The following ARSB variants were observed in gnomAD, a reference collection of about 807,000 sequenced individuals.
ARSB encodes the protein N-acetylgalactosamine-4-sulfatase.
ARSB carries 41 observed loss-of-function variants against 50.9 expected under a neutral mutation model. The observed-to-expected ratio is 0.81, with a 90% CI of 0.63 to 1.04. ARSB has a LOEUF of 1.04. Ranked by LOEUF, ARSB falls within the 50% of genes least tolerant of loss-of-function variation. The probability of loss-of-function intolerance (pLI) is 0.00; values close to 1 mark genes in which losing one functional copy is unlikely to be tolerated. For missense variants in ARSB, 672 were observed against 693.3 expected, an observed-to-expected ratio of 0.97 and a Z score of 0.35; for synonymous variants, 269 against 284.8, an observed-to-expected ratio of 0.94 and a Z score of 0.56.
At chr5:78,953,797 A>G (rs1751584843) in intron 4 of ARSB, among the ~76,000 whole-genome samples, 1 of 152,258 alleles carries the variant, frequency 6.6e-6, no homozygotes, top group African/African-American at 2.4e-5. Context: ...ACTGAAAAAA[A>G]GAACTCAAAA....
At chr5:78,977,324 T>C (rs1289453444) in intron 1 of ARSB, among the ~76,000 whole-genome samples, 7 of 152,056 alleles carry the variant, frequency 4.6e-5, no homozygotes, top group Non-Finnish European at 1.0e-4. Flanking sequence ...TGGCTAATTT[T>C]TGTATTTTTA....
At chr5:78,942,088 C>T (rs1261018449) in intron 4 of ARSB, among the ~76,000 whole-genome samples, 4 of 152,178 alleles carry the variant, frequency 2.6e-5, no homozygotes, top group Non-Finnish European at 5.9e-5. Context: ...TTGTAGTATT[C>T]TCTGATGGTA....
intron 6 of ARSB, among the ~76,000 whole-genome samples, chr5:78,813,548 AG>A (rs1336518287): frequency 1.3e-5 from 2 of 152,168 alleles, no homozygotes; most frequent in Non-Finnish European, 2.9e-5. Context: ...ACTTGAGTCC[AG>A]GAATTCAAGA....
chr5:78,927,111 G>A (rs1432156523), intron 4 of ARSB, among the ~76,000 whole-genome samples: 4 of 152,040 alleles, frequency 2.6e-5, no homozygotes, highest in Non-Finnish European at 4.4e-5. Context: ...TCTAATTCCT[G>A]GGCTCAAGTG....
intron 3 of ARSB, among the ~76,000 whole-genome samples, chr5:78,956,109 A>C (rs1751712022): frequency 6.6e-6 from 1 of 152,250 alleles, no homozygotes; most frequent in Admixed American, 6.5e-5. Flanking sequence ...ATAGCCAAAG[A>C]GTAGAAACAA....
At chr5:78,815,538 A>G (rs981449867) in intron 6 of ARSB, 3 of 986,568 alleles carry the variant, frequency 3.0e-6, no homozygotes, top group African/African-American at 1.8e-5. Context: ...CAGCCTGTCA[A>G]AAAAGGTGGA....
intron 4 of ARSB, among the ~76,000 whole-genome samples, chr5:78,887,731 A>C (rs548868195): frequency 3.9e-5 from 6 of 152,200 alleles, no homozygotes; most frequent in Non-Finnish European, 7.4e-5. Flanking sequence ...TGGCAATGCT[A>C]GGATTCCAAC....
At chr5:78,969,939 A>G (rs1444503767) in intron 1 of ARSB, among the ~76,000 whole-genome samples, 1 of 152,222 alleles carries the variant, frequency 6.6e-6, no homozygotes, top group Non-Finnish European at 1.5e-5. Context: ...ACAGTATAAT[A>G]AAACGATTAT....
chr5:78,919,760 G>A (rs1382021384), intron 4 of ARSB, among the ~76,000 whole-genome samples: 1 of 152,140 alleles, frequency 6.6e-6, no homozygotes, highest in Non-Finnish European at 1.5e-5. Context: ...CAAAGTACAG[G>A]AGTGAGCTGG....
chr5:78,782,108 T>C, intron 6 of ARSB, 134 bp from the exon 7 acceptor site: 6 of 1,127,598 alleles, frequency 5.3e-6, no homozygotes, highest in Non-Finnish European at 7.8e-6. Flanking sequence ...GCCACAGAAA[T>C]GAATCTTTTA....
At chr5:78,838,338 G>A (rs865964747) in intron 6 of ARSB, among the ~76,000 whole-genome samples, 6 of 152,176 alleles carry the variant, frequency 3.9e-5, no homozygotes, top group Admixed American at 2.6e-4. Flanking sequence ...ATGACAGTAC[G>A]ATGATCTGCA....
rs1419364874 is a variant in ARSB, at chr5:78,780,181, C to G, written c.*216G>C. On this transcript the variant is annotated 3_prime_UTR_variant, in exon 8 of 8. Transcript: ENST00000264914. ...AAAGGGGGATAAACCCAGCCACCCC[C>G]ACCTCTAGACACATGCTCCAGCCAA... is the stretch of plus-strand genomic sequence containing the variant. The G allele has an allele frequency of 1.7e-6, 1 of 602,104 alleles. No homozygotes were observed. Among genetic ancestry groups the G allele is most frequent in the Non-Finnish European group, 2.9e-6 (1 of 349,084 alleles). 37.3% of individuals were successfully genotyped at this position (602,104 alleles called of 1,614,324 possible).
intron 6 of ARSB, among the ~76,000 whole-genome samples, chr5:78,830,378 G>C (rs1744619177): frequency 6.6e-6 from 1 of 152,196 alleles, no homozygotes; most frequent in African/African-American, 2.4e-5. Flanking sequence ...AGTCCTTCAG[G>C]TCAGCTTCTG....
intron 1 of ARSB, among the ~76,000 whole-genome samples, chr5:78,975,232 A>G (rs962304085): frequency 2.6e-5 from 4 of 152,244 alleles, no homozygotes; most frequent in Admixed American, 2.6e-4. Flanking sequence ...CGAGGAGGAC[A>G]AGAAGCAGGA....
At position 78,779,662 on chromosome 5, in the gene ARSB, GC is replaced by G. The variant is rs1041604176; in HGVS notation, c.*734del. On this transcript the variant is annotated 3_prime_UTR_variant, in exon 8 of 8. Transcript: ENST00000264914. Reference sequence around the variant, plus strand: ...GGTGCTCAGGTAGAGAAGCAAAGTGGCCTTCCCAGGGATAGGACTACTGAGG... The same window carrying G: ...GGTGCTCAGGTAGAGAAGCAAAGTGGCTTCCCAGGGATAGGACTACTGAGG... 6.6e-6 allele frequency: 1 copy of G among 152,508 alleles called. No homozygotes were observed. The highest frequency in any genetic ancestry group is 1.5e-5 in the Non-Finnish European group (1 of 68,298). 9.4% of individuals were successfully genotyped at this position (152,508 alleles called of 1,614,324 possible).
At chr5:78,788,374 T>C (rs1749151187) in intron 6 of ARSB, among the ~76,000 whole-genome samples, 1 of 152,186 alleles carries the variant, frequency 6.6e-6, no homozygotes, top group Non-Finnish European at 1.5e-5. Flanking sequence ...GAGTTGTTTG[T>C]TACCAGAATG....
At chr5:78,853,171 C>T in intron 5 of ARSB, among the ~76,000 whole-genome samples, 1 of 152,156 alleles carries the variant, frequency 6.6e-6, no homozygotes, top group Non-Finnish European at 1.5e-5. Flanking sequence ...TCTGTTTTTT[C>T]CCCATCTTTG....
intron 5 of ARSB, among the ~76,000 whole-genome samples, chr5:78,843,012 G>A (rs1378771231): frequency 6.6e-6 from 1 of 152,146 alleles, no homozygotes; most frequent in Non-Finnish European, 1.5e-5. Flanking sequence ...TACCTGGGAA[G>A]CTTTTAAATC....
intron 5 of ARSB, among the ~76,000 whole-genome samples, chr5:78,873,784 C>T (rs148250491): frequency 1.6e-4 from 25 of 152,086 alleles, no homozygotes; most frequent in African/African-American, 4.6e-4. Context: ...CGTGAGCCAC[C>T]GCACCCGGCC....
Sources: allele counts gnomAD v4.1 joint callset (sites outside exome capture counted in the v4.1 genomes callset), GRCh38; gene constraint gnomAD v4.1.1; transcripts MANE v1.5; gene names NCBI Gene and HGNC (gene_info 2026-07-23, HGNC 2026-07-21).